ENTPD3: variants seen among roughly 807,000 people sequenced by gnomAD.
ENTPD3 encodes ectonucleoside triphosphate diphosphohydrolase 3, also known as CD39 antigen-like 3.
Under a neutral mutation model 51.2 loss-of-function variants are expected in ENTPD3, and 60 were observed. The observed-to-expected ratio is 1.17, with a 90% CI of 0.95 to 1.45. The LOEUF (loss-of-function observed/expected upper bound fraction) is 1.45. ENTPD3 is among the 40% of genes most tolerant of loss of function. ENTPD3 has a pLI of 0.00. For missense variants in ENTPD3, 593 were observed against 641.1 expected, an observed-to-expected ratio of 0.93 and a Z score of 0.81; for synonymous variants, 221 against 238.4, an observed-to-expected ratio of 0.93 and a Z score of 0.67.
intron 3 of ENTPD3, among the ~76,000 whole-genome samples, chr3:40,393,680 A>C (rs1955119534): frequency 1.3e-5 from 2 of 152,282 alleles, no homozygotes; most frequent in East Asian, 3.9e-4. Flanking sequence ...GCAATCACCC[A>C]ATAATGAGAA....
intron 7 of ENTPD3, 21 bp downstream of exon 7, chr3:40,416,094 G>A (rs1955742661): frequency 1.3e-6 from 2 of 1,590,306 alleles, no homozygotes; most frequent in Non-Finnish European, 1.7e-6. Context: ...CGGGGGTAGG[G>A]GGTGGCAGGT....
At chr3:40,414,903 G>A (rs1955710569) in intron 6 of ENTPD3, 63 bp downstream of exon 6, 1 of 1,552,492 alleles carries the variant, frequency 6.4e-7, no homozygotes, top group Non-Finnish European at 8.9e-7. Flanking sequence ...GTGAGTGATA[G>A]CCTAAGTAGA....
Position 40,423,295 on chromosome 3 carries a change from T to C in ENTPD3, c.1109T>C (p.Phe370Ser), listed in dbSNP as rs763165844. The change falls in exon 9 of 11, where the codon TTT becomes TCT. Residue 370 changes from phenylalanine (F) to serine (S), a missense_variant. Physicochemically the swap from Phe to Ser is radical, Grantham distance 155 (BLOSUM62 -2). Coordinates refer to ENST00000301825, the MANE Select transcript of ENTPD3 (RefSeq NM_001248.4). ...TTCTGTATTACTTATTTCCAGGCTT[T>C]TGCAGGATTCTACTACACAGCCAGT... Reference protein sequence around the residue: ...QPKIKGPFVAFAGFYYTASAL... With the variant: ...QPKIKGPFVASAGFYYTASAL... 1.2e-6 allele frequency: 2 copies of C among 1,613,158 alleles called. No individual in the cohort carries two copies. Among genetic ancestry groups the C allele is most frequent in the Non-Finnish European group, 1.7e-6 (2 of 1,179,190 alleles).
intron 9 of ENTPD3, 43 bp downstream of exon 9, chr3:40,423,444 T>G (rs761268102): frequency 7.6e-7 from 1 of 1,320,460 alleles, no homozygotes. Flanking sequence ...TACAAAAAAA[T>G]ATGGTAGAAT....
chr3:40,393,015 A>G (rs147613994), intron 3 of ENTPD3, among the ~76,000 whole-genome samples: 5 of 151,174 alleles, frequency 3.3e-5, no homozygotes, highest in Non-Finnish European at 7.4e-5. Flanking sequence ...ATTACTCAGG[A>G]CCTTGTGCTT....
At chr3:40,414,614 T>G in intron 5 of ENTPD3, 67 bp from the exon 6 acceptor site, 1 of 1,551,372 alleles carries the variant, frequency 6.4e-7, no homozygotes, top group Non-Finnish European at 8.8e-7. Context: ...TTCACCTGAG[T>G]GAGACTATGT....
Position 40,415,878 on chromosome 3 carries a change from G to A in ENTPD3, c.636G>A (p.Val212=), listed in dbSNP as rs1355704182. Residue 212 remains valine, a synonymous_variant, in exon 7 of 11, where the codon GTG becomes GTA. Coordinates refer to ENST00000301825, the MANE Select transcript of ENTPD3 (RefSeq NM_001248.4). ...LWHMWVHPHG[V]ETTGALDLGG... ...ACATGTGGGTGCACCCGCATGGAGT[G>A]GAAACCACGGGTGCCCTGGACTTAG... The A allele has an allele frequency of 6.2e-7, 1 of 1,613,976 alleles. No individual in the cohort carries two copies. Among genetic ancestry groups the A allele is most frequent in the Non-Finnish European group, 8.5e-7 (1 of 1,179,998 alleles).
At position 40,410,010 on chromosome 3, in the gene ENTPD3, G is replaced by A. The variant is rs148013990; in HGVS notation, c.287-1802G>A. On this transcript the variant is annotated intron_variant, in intron 4 of 10. Transcript: ENST00000301825. Reference sequence around the variant, plus strand: ...TTTTTTAAAAAAGAAACTACTTACAGGAAGAGGAGACAAGGAGAGAATCTA... The same window carrying A: ...TTTTTTAAAAAAGAAACTACTTACAAGAAGAGGAGACAAGGAGAGAATCTA... Among the ~76,000 whole-genome samples, 453 of 152,260 alleles carry A rather than the reference G, an allele frequency of 3.0e-3. 1 individual carries two copies. The highest frequency in any genetic ancestry group is 0.01 in the Middle Eastern group (3 of 292).
chr3:40,404,973 C>A (rs1182322564), intron 4 of ENTPD3, among the ~76,000 whole-genome samples: 1 of 152,180 alleles, frequency 6.6e-6, no homozygotes, highest in Non-Finnish European at 1.5e-5. Context: ...GTCTGTACCT[C>A]TGGCTGCTTG....
intron 3 of ENTPD3, among the ~76,000 whole-genome samples, chr3:40,392,989 C>CAAAAAAAAA (rs79999441): frequency 7.6e-6 from 1 of 131,562 alleles, no homozygotes. Flanking sequence ...ACCCCCCCGG[C>CAAAAAAAAA]AAAAAAAAAA....
Position 40,423,335 on chromosome 3 carries a change from A to G in ENTPD3, c.1149A>G (p.Ser383=). The change falls in exon 9 of 11, where the codon TCA becomes TCG. Residue 383 remains serine, a synonymous_variant. Coordinates refer to ENST00000301825, the MANE Select transcript of ENTPD3 (RefSeq NM_001248.4). ...FYYTASALNL[S]GSFSLDTFNS... is the part of the protein sequence containing the mutation. ...ACACAGCCAGTGCTTTAAATCTTTC[A>G]GGTAGCTTTTCCCTGGACACCTTCA... The G allele has an allele frequency of 2.5e-6, 4 of 1,614,084 alleles. No individual in the cohort carries two copies. The highest frequency in any genetic ancestry group is 3.4e-6 in the Non-Finnish European group (4 of 1,179,972).
chr3:40,397,818 G>T (rs888125493), intron 3 of ENTPD3, among the ~76,000 whole-genome samples: 13 of 152,110 alleles, frequency 8.5e-5, no homozygotes, highest in Admixed American at 2.0e-4. Flanking sequence ...TAAACTGAAA[G>T]ACTGCTTCCT....
In ENTPD3 at chr3:40,428,369, T is replaced by G. The variant is rs949659307; in HGVS notation, c.*861T>G. 1.3e-5 allele frequency: 2 copies of G among 152,256 alleles called. No homozygotes were observed. The highest frequency in any genetic ancestry group is 1.3e-4 in the Admixed American group (2 of 15,280). The allele number at this position is 152,256 out of a possible 1,614,324, so 9.4% of individuals were successfully genotyped here. A position where few individuals can be genotyped will look rare whatever the true frequency, so the allele number is the denominator to read the frequency against. ...TCACCATTCCCACAAGTATACTTGA[T>G]GTTGTCATAGAACGAACATCCTACT... On this transcript the variant is annotated 3_prime_UTR_variant, in exon 11 of 11. Transcript: ENST00000301825.
intron 6 of ENTPD3, 82 bp downstream of exon 6, chr3:40,414,922 C>A: frequency 7.1e-7 from 1 of 1,410,120 alleles, no homozygotes. Flanking sequence ...GAGGTACATG[C>A]CATCAGGGAT....
At chr3:40,414,606 C>T (rs1268000255) in intron 5 of ENTPD3, 75 bp from the exon 6 acceptor site, 7 of 1,517,164 alleles carry the variant, frequency 4.6e-6, no homozygotes, top group Non-Finnish European at 6.3e-6. Flanking sequence ...TTTGCATTTT[C>T]ACCTGAGTGA....
chr3:40,410,569 G>GT (rs907429402), intron 4 of ENTPD3, among the ~76,000 whole-genome samples: 30 of 151,920 alleles, frequency 2.0e-4, no homozygotes, highest in African/African-American at 7.0e-4. Context: ...GCCTCCTATT[G>GT]TAAGTCCACA....
Position 40,423,374 on chromosome 3 carries a change from G to T in ENTPD3, c.1188G>T (p.Trp396Cys), listed in dbSNP as rs745643676. The T allele has an allele frequency of 3.1e-6, 5 of 1,613,452 alleles. No homozygotes were observed. The African/African-American group carries it at 6.7e-5, about 22-fold the overall frequency. Residue 396 changes from tryptophan (W) to cysteine (C), a missense_variant, in exon 9 of 11, where the codon TGG (tryptophan) becomes TGT (cysteine). By Grantham distance (215) the Trp-to-Cys change is radical. Coordinates refer to ENST00000301825, the MANE Select transcript of ENTPD3 (RefSeq NM_001248.4). ...FSLDTFNSST[W>C]NFCSQNWSQL... is the part of the protein sequence containing the mutation. Reference sequence around the variant, plus strand: ...TGGACACCTTCAACTCCAGCACCTGGAATTTCTGCTCACAGAATTGGAGTC... The same window carrying T: ...TGGACACCTTCAACTCCAGCACCTGTAATTTCTGCTCACAGAATTGGAGTC...
At chr3:40,396,041 C>T (rs1275500751) in intron 3 of ENTPD3, among the ~76,000 whole-genome samples, 1 of 152,172 alleles carries the variant, frequency 6.6e-6, no homozygotes, top group Non-Finnish European at 1.5e-5. Flanking sequence ...GAGACACACC[C>T]TCCACCAATC....
chr3:40,417,200 C>A (rs778872343), intron 7 of ENTPD3, among the ~76,000 whole-genome samples: 2 of 152,164 alleles, frequency 1.3e-5, no homozygotes, highest in Non-Finnish European at 2.9e-5. Context: ...GAGAACCCTG[C>A]AGACAGCCCT....
Sources: gnomAD v4.1 joint callset for allele counts (sites outside exome capture counted in the v4.1 genomes callset) on GRCh38, gnomAD v4.1.1 for gene constraint, MANE v1.5 for transcripts, NCBI Gene and HGNC (gene_info 2026-07-23, HGNC 2026-07-21) for gene names.